Variants in CLASP2 observed in about 807,000 individuals in gnomAD.
CLASP2 encodes cytoplasmic linker associated protein 2.
Under a neutral mutation model 194.4 loss-of-function variants are expected in CLASP2, and 47 were observed. The ratio of observed to expected loss-of-function variants is 0.24; its 90% CI spans 0.19 to 0.31. CLASP2 has a LOEUF of 0.31. CLASP2 is among the 10% of genes least tolerant of loss of function. CLASP2 has a pLI of 1.00. For missense variants in CLASP2, 1,445 were observed against 1,823.6 expected (o/e 0.79, Z 3.78); for synonymous variants, 619 against 633.5 (o/e 0.98, Z 0.34).
chr3:33,579,959 A>G (rs2065663005), intron 23 of CLASP2, among the ~76,000 whole-genome samples: 1 of 152,234 alleles, frequency 6.6e-6, no homozygotes, highest in African/African-American at 2.4e-5. Flanking sequence ...TGCACCACGT[A>G]TATGTGCATG....
At chr3:33,550,234 A>C (rs891238955) in intron 30 of CLASP2, among the ~76,000 whole-genome samples, 1 of 151,776 alleles carries the variant, frequency 6.6e-6, no homozygotes, top group African/African-American at 2.4e-5. Context: ...GAGAAACCCC[A>C]AAAATATAAA....
At chr3:33,688,533 A>G (rs980640869) in intron 3 of CLASP2, among the ~76,000 whole-genome samples, 165 bp from the exon 4 acceptor site, 5 of 152,214 alleles carry the variant, frequency 3.3e-5, no homozygotes, top group African/African-American at 1.2e-4. Flanking sequence ...GCCAAATTAC[A>G]CAATTGCTCT....
intron 33 of CLASP2, among the ~76,000 whole-genome samples, chr3:33,536,392 C>G (rs543183110): frequency 1.3e-5 from 2 of 152,134 alleles, no homozygotes; most frequent in African/African-American, 4.8e-5. Flanking sequence ...CTTGAATAAA[C>G]ACTTGAAGGA....
intron 29 of CLASP2, chr3:33,558,225 G>T (rs973496611): frequency 3.3e-5 from 5 of 152,142 alleles, no homozygotes; most frequent in Non-Finnish European, 7.3e-5. Context: ...CTTTCTTCTT[G>T]TGTCTCTTTC....
At chr3:33,511,502 C>T (rs2049797511) in intron 36 of CLASP2, among the ~76,000 whole-genome samples, 1 of 152,092 alleles carries the variant, frequency 6.6e-6, no homozygotes, top group Admixed American at 6.6e-5. Flanking sequence ...CTCTGTATCA[C>T]ATTAATGAGA....
chr3:33,648,541 G>A (rs1311521872), intron 7 of CLASP2, among the ~76,000 whole-genome samples: 2 of 151,930 alleles, frequency 1.3e-5, no homozygotes. Context: ...AGAAACATAG[G>A]AAGAAATAAA....
chr3:33,685,736 T>G (rs1018654204), intron 5 of CLASP2, among the ~76,000 whole-genome samples: 2 of 151,828 alleles, frequency 1.3e-5, no homozygotes, highest in African/African-American at 4.8e-5. Context: ...ATCATTCTAC[T>G]TCTATGAGGT....
At chr3:33,511,211 T>G (rs902848071) in intron 36 of CLASP2, among the ~76,000 whole-genome samples, 1 of 152,088 alleles carries the variant, frequency 6.6e-6, no homozygotes, top group South Asian at 2.1e-4. Context: ...TTTTTTTATT[T>G]TTATTTTTAG....
intron 9 of CLASP2, among the ~76,000 whole-genome samples, chr3:33,632,022 TTC>T (rs1265585310): frequency 6.6e-6 from 1 of 152,186 alleles, no homozygotes; most frequent in African/African-American, 2.4e-5. Context: ...ACTAATCTAA[TTC>T]TCTGAGCTCA....
intron 34 of CLASP2, among the ~76,000 whole-genome samples, chr3:33,524,134 C>A (rs1296426086): frequency 6.6e-6 from 1 of 151,880 alleles, no homozygotes; most frequent in African/African-American, 2.4e-5. Flanking sequence ...ATCACCCAGT[C>A]AAAAGACAGA....
At chr3:33,631,605 G>A (rs1054776876) in intron 9 of CLASP2, among the ~76,000 whole-genome samples, 1 of 151,556 alleles carries the variant, frequency 6.6e-6, no homozygotes, top group African/African-American at 2.4e-5. Context: ...GCTGAGGCAG[G>A]AGAATCACTT....
At chr3:33,526,799 T>C (rs183116507) in intron 34 of CLASP2, among the ~76,000 whole-genome samples, 2 of 152,042 alleles carry the variant, frequency 1.3e-5, no homozygotes, top group Admixed American at 1.3e-4. Context: ...CACAGCACAA[T>C]AAAAATAGAA....
chr3:33,546,159 T>C (rs912061550), intron 30 of CLASP2, among the ~76,000 whole-genome samples: 3 of 152,226 alleles, frequency 2.0e-5, no homozygotes, highest in African/African-American at 4.8e-5. Flanking sequence ...TAGTTTACTT[T>C]GGTTTGGAGA....
chr3:33,675,053 T>C (rs947684004), intron 6 of CLASP2, among the ~76,000 whole-genome samples: 8 of 151,940 alleles, frequency 5.3e-5, no homozygotes, highest in Admixed American at 3.3e-4. Flanking sequence ...TTCCAATCAA[T>C]AGAAAAAGAG....
rs185497708 is a variant in CLASP2, at chr3:33,634,184, A to G, written c.863-1813T>C. ...GGAAGCCAGGGAGAATATACTAATAATATCTTGCAAGTTTTGAAAGAAGAA... is the reference window on the plus strand; with the variant it reads ...GGAAGCCAGGGAGAATATACTAATAGTATCTTGCAAGTTTTGAAAGAAGAA... On this transcript the variant is annotated intron_variant, in intron 8 of 38. Transcript: ENST00000682230. Among the ~76,000 whole-genome samples the G allele has an allele frequency of 3.4e-4, 52 of 152,358 alleles. 2 individuals are homozygous for G. The highest frequency in any genetic ancestry group is 1.8e-3 in the Admixed American group (28 of 15,300).
chr3:33,598,283 A>G (rs373028447), intron 18 of CLASP2, among the ~76,000 whole-genome samples: 101 of 152,126 alleles, frequency 6.6e-4, no homozygotes, highest in African/African-American at 2.4e-3. Flanking sequence ...CTGTTAGCAC[A>G]TGATCCTGAC....
intron 6 of CLASP2, among the ~76,000 whole-genome samples, chr3:33,666,188 A>T (rs974863089): frequency 2.0e-5 from 3 of 152,248 alleles, no homozygotes; most frequent in African/African-American, 7.2e-5. Flanking sequence ...TCTTTCTAAA[A>T]TAACAGTATT....
chr3:33,711,252 T>G (rs2154357767), intron 1 of CLASP2, among the ~76,000 whole-genome samples: 1 of 151,100 alleles, frequency 6.6e-6, no homozygotes, highest in African/African-American at 2.4e-5. Context: ...TTGCATTTTT[T>G]TTTTTTTTTT....
At chr3:33,523,790 C>T (rs528236442) in intron 34 of CLASP2, among the ~76,000 whole-genome samples, 27 of 152,098 alleles carry the variant, frequency 1.8e-4, no homozygotes, top group African/African-American at 2.9e-4. Flanking sequence ...TGTATAAAGA[C>T]GTAATTTTAT....
Sources: gnomAD v4.1 joint callset for allele counts (sites outside exome capture counted in the v4.1 genomes callset) on GRCh38, gnomAD v4.1.1 for gene constraint, MANE v1.5 for transcripts, NCBI Gene and HGNC (gene_info 2026-07-23, HGNC 2026-07-21) for gene names.